PDE7B: variants seen among roughly 807,000 people sequenced by gnomAD.
PDE7B encodes the protein 3',5'-cyclic-AMP phosphodiesterase 7B.
Under a neutral mutation model 56.2 loss-of-function variants are expected in PDE7B, and 29 were observed. The ratio of observed to expected loss-of-function variants is 0.52; its 90% CI spans 0.38 to 0.70. The LOEUF (loss-of-function observed/expected upper bound fraction) is 0.70. PDE7B is among the 30% of genes least tolerant of loss of function. The probability of loss-of-function intolerance (pLI) is 0.00; values close to 1 mark genes in which losing one functional copy is unlikely to be tolerated. For missense variants in PDE7B, 490 were observed against 565.0 expected, an observed-to-expected ratio of 0.87 and a Z score of 1.35; for synonymous variants, 197 against 196.9, an observed-to-expected ratio of 1.00 and a Z score of 0.00.
chr6:135,903,615 G>A (rs1353667932), intron 1 of PDE7B, among the ~76,000 whole-genome samples: 2 of 152,172 alleles, frequency 1.3e-5, no homozygotes, highest in Non-Finnish European at 2.9e-5. Flanking sequence ...TGGAAGGACT[G>A]CCTTCAAGTT....
intron 1 of PDE7B, among the ~76,000 whole-genome samples, chr6:135,898,440 T>A (rs2128191286): frequency 6.6e-6 from 1 of 152,232 alleles, no homozygotes; most frequent in Non-Finnish European, 1.5e-5. Context: ...TAGTGACCTG[T>A]AATCATGTCC....
intron 2 of PDE7B, among the ~76,000 whole-genome samples, chr6:136,102,049 A>C (rs1045856069): frequency 4.6e-5 from 7 of 152,222 alleles, no homozygotes; most frequent in Non-Finnish European, 1.0e-4. Flanking sequence ...GGCCACGTGC[A>C]GGAGTGCTTT....
chr6:135,942,606 A>C (rs1774524967), intron 1 of PDE7B, among the ~76,000 whole-genome samples: 1 of 152,106 alleles, frequency 6.6e-6, no homozygotes, highest in South Asian at 2.1e-4. Context: ...CCTGTGTAAA[A>C]TTTTGTAATA....
At chr6:136,071,772 A>G (rs917579940) in intron 2 of PDE7B, among the ~76,000 whole-genome samples, 1 of 152,182 alleles carries the variant, frequency 6.6e-6, no homozygotes, top group African/African-American at 2.4e-5. Flanking sequence ...CAGCCTGGGC[A>G]ACTGAGCAAG....
chr6:136,139,453 A>G (rs1160228034), intron 3 of PDE7B, among the ~76,000 whole-genome samples: 2 of 152,206 alleles, frequency 1.3e-5, no homozygotes, highest in Non-Finnish European at 2.9e-5. Context: ...TCTTTAGAGC[A>G]GCATGATTTA....
At chr6:135,995,150 C>G (rs1158386452) in intron 2 of PDE7B, among the ~76,000 whole-genome samples, 2 of 152,156 alleles carry the variant, frequency 1.3e-5, no homozygotes, top group South Asian at 4.1e-4. Context: ...CACACAAATC[C>G]TACAGGCCTC....
intron 9 of PDE7B, among the ~76,000 whole-genome samples, chr6:136,175,920 A>G (rs1430495880): frequency 6.6e-6 from 1 of 152,124 alleles, no homozygotes; most frequent in Non-Finnish European, 1.5e-5. Flanking sequence ...CCAATGTACC[A>G]TCACCAAAAT....
intron 2 of PDE7B, among the ~76,000 whole-genome samples, chr6:136,081,868 C>T (rs1426845819): frequency 6.6e-6 from 1 of 152,128 alleles, no homozygotes. Flanking sequence ...TTTGCTTACA[C>T]CTGGTTATGA....
At chr6:136,047,320 G>GT (rs1237843744) in intron 2 of PDE7B, 1 of 152,144 alleles carries the variant, frequency 6.6e-6, no homozygotes, top group East Asian at 1.9e-4. Flanking sequence ...TTTCTGGTTG[G>GT]TTTTCACATT....
chr6:135,958,591 T>C (rs922458152), intron 2 of PDE7B, among the ~76,000 whole-genome samples: 5 of 152,130 alleles, frequency 3.3e-5, no homozygotes, highest in African/African-American at 7.2e-5. Context: ...ATTCACAAAA[T>C]ATAGAAATTT....
intron 2 of PDE7B, chr6:136,064,326 T>C (rs566152817): frequency 6.6e-6 from 1 of 152,288 alleles, no homozygotes; most frequent in African/African-American, 2.4e-5. Context: ...TACCAAACAG[T>C]AGGCAAAAAT....
intron 8 of PDE7B, among the ~76,000 whole-genome samples, chr6:136,159,143 G>T (rs1351246319): frequency 6.6e-6 from 1 of 152,104 alleles, no homozygotes; most frequent in Non-Finnish European, 1.5e-5. Flanking sequence ...TTAGAGGGGG[G>T]TCAGCATTTT....
rs1435340024 is a variant in PDE7B at position 136,038,214 on chromosome 6, A to ACAGCAGCAGCAGCAACAGCAG, written c.83-70502_83-70482dup. 6.2e-6 allele frequency: 8 copies of ACAGCAGCAGCAGCAACAGCAG among 1,299,234 alleles called. 2 individuals carry two copies. The highest frequency in any genetic ancestry group is 8.1e-6 in the Non-Finnish European group (8 of 991,226). 80.5% of individuals were successfully genotyped at this position (1,299,234 alleles called of 1,614,324 possible). A position where few individuals can be genotyped will look rare whatever the true frequency, so the allele number is the denominator to read the frequency against. On this transcript the variant is annotated intron_variant, in intron 2 of 12. Transcript: ENST00000308191. Reference sequence around the variant, plus strand: ...AGCAGCAGCAGCAGCAGAAGCAGAAACAGCAGCAGCAGCAACAGCAGCAGC... The same window carrying ACAGCAGCAGCAGCAACAGCAG: ...AGCAGCAGCAGCAGCAGAAGCAGAAACAGCAGCAGCAGCAACAGCAGCAGCAGCAGCAGCAACAGCAGCAGC...
In PDE7B at chr6:136,124,778, T is replaced by A. The variant is rs143360403; in HGVS notation, c.166+15964T>A. The stretch of plus-strand genomic sequence containing the variant: ...ATTGAAGGCATTTATTCAAAATGAC[T>A]TGTTGCTATGGATGGCGTATTTTAT... On this transcript the variant is annotated intron_variant, in intron 3 of 12. Transcript: ENST00000308191. 3.9e-5 allele frequency among the ~76,000 whole-genome samples: 6 copies of A among 152,368 alleles called. No individual in the cohort carries two copies. The East Asian group carries it at 1.2e-3, about 29-fold the overall frequency.
At chr6:136,058,462 G>T (rs565174275) in intron 2 of PDE7B, among the ~76,000 whole-genome samples, 1 of 152,224 alleles carries the variant, frequency 6.6e-6, no homozygotes, top group South Asian at 2.1e-4. Flanking sequence ...TATTTCCTGG[G>T]AATTCAGTAG....
intron 2 of PDE7B, among the ~76,000 whole-genome samples, chr6:135,998,231 T>C (rs1367932891): frequency 1.3e-5 from 2 of 152,226 alleles, no homozygotes; most frequent in African/African-American, 4.8e-5. Flanking sequence ...AAATAGAGGT[T>C]CACTATTATT....
intron 2 of PDE7B, among the ~76,000 whole-genome samples, chr6:135,997,600 G>A (rs1030911243): frequency 3.3e-5 from 5 of 151,908 alleles, no homozygotes; most frequent in African/African-American, 1.2e-4. Flanking sequence ...CATTATTTAT[G>A]AGCACCAAGC....
chr6:135,861,328 G>A (rs769496177), intron 1 of PDE7B, among the ~76,000 whole-genome samples: 3 of 151,448 alleles, frequency 2.0e-5, no homozygotes, highest in African/African-American at 4.8e-5. Flanking sequence ...AATAATTTAC[G>A]CCCCCACCAA....
Position 136,103,040 on chromosome 6 carries a change from C to T in PDE7B, c.83-5691C>T, listed in dbSNP as rs537847380. On this transcript the variant is annotated intron_variant, in intron 2 of 12. Coordinates refer to ENST00000308191, the MANE Select transcript of PDE7B (RefSeq NM_018945.4). ...AGAAAATTGTGTTTCATTCCTTTTG[C>T]GAAAAATGTGGTTTCTGGACGACTA... 1.6e-3 allele frequency among the ~76,000 whole-genome samples: 239 copies of T among 152,188 alleles called. 1 individual carries two copies. Among genetic ancestry groups the T allele is most frequent in the Middle Eastern group, 3.4e-3 (1 of 294 alleles).
Sources: allele counts gnomAD v4.1 joint callset (sites outside exome capture counted in the v4.1 genomes callset), GRCh38; gene constraint gnomAD v4.1.1; transcripts MANE v1.5; gene names NCBI Gene and HGNC (gene_info 2026-07-23, HGNC 2026-07-21).